JARID2: variants seen among roughly 807,000 people sequenced by gnomAD.
The protein encoded by JARID2 is jumonji and AT-rich interaction domain containing 2.
Under a neutral mutation model 125.6 loss-of-function variants are expected in JARID2, and 21 were observed. That is an observed-to-expected ratio of 0.17 (90% CI 0.12 to 0.24). The LOEUF is 0.24. Among genes scored for constraint, JARID2 ranks in the 10% least tolerant of loss-of-function variants. The pLI is 1.00. For synonymous variants in JARID2, 736 were observed against 661.6 expected, an observed-to-expected ratio of 1.11 and a Z score of -1.73; for missense variants, 1,303 against 1,639.6, an observed-to-expected ratio of 0.79 and a Z score of 3.55.
chr6:15,423,457 G>C (rs924544768), intron 3 of JARID2, among the ~76,000 whole-genome samples: 1 of 152,204 alleles, frequency 6.6e-6, no homozygotes. Flanking sequence ...AGAAGGAAGA[G>C]TTTGGATGGG....
rs1561913681 is a variant in JARID2 at position 15,507,270 on chromosome 6, C to T, written c.2660+16C>T. On this transcript the variant is annotated intron_variant, in intron 10 of 17. Transcript: ENST00000341776. ...CCTTTTCGAGGTAACCTGGGATTCT[C>T]TCGTCCAGGTTCTTGGGGATGTGAC... 1.2e-6 allele frequency: 2 copies of T among 1,600,948 alleles called. No individual in the cohort carries two copies. The highest frequency in any genetic ancestry group is 1.7e-6 in the Non-Finnish European group (2 of 1,167,978).
chr6:15,338,378 G>A (rs974993317), intron 1 of JARID2, among the ~76,000 whole-genome samples: 1 of 152,192 alleles, frequency 6.6e-6, no homozygotes, highest in Admixed American at 6.5e-5. Flanking sequence ...AAAATGCGTC[G>A]TAGCCCTCTG....
At chr6:15,519,563 T>G (rs769455519) in intron 17 of JARID2, among the ~76,000 whole-genome samples, 1 of 152,256 alleles carries the variant, frequency 6.6e-6, no homozygotes, top group Non-Finnish European at 1.5e-5. Context: ...GGATGTACTG[T>G]GTGAAAGTTA....
chr6:15,324,210 A>G (rs1280768220), intron 1 of JARID2, among the ~76,000 whole-genome samples: 1 of 151,810 alleles, frequency 6.6e-6, no homozygotes, highest in African/African-American at 2.4e-5. Context: ...AAAAAAAAAA[A>G]GAAAATCCTT....
At position 15,410,416 on chromosome 6, in the gene JARID2, C is replaced by T. The variant is rs16876327; in HGVS notation, c.323+51C>T. On this transcript the variant is annotated intron_variant, in intron 3 of 17. Transcript: ENST00000341776. ...GGTACCTTCAACCAGGGACTGCAAA[C>T]TCAGGTGCCAGTTTTCACCACATGA... The T allele has an allele frequency of 5.9e-3, 9,289 of 1,575,962 alleles. 441 individuals carry two copies. In the African/African-American group the frequency reaches 0.11, roughly 18 times the overall value.
In JARID2 at chr6:15,513,320, C is replaced by T. The variant is rs1352789972; in HGVS notation, c.3348C>T (p.Ser1116=). The change falls in exon 16 of 18, where the codon AGC becomes AGT. Residue 1116 remains serine, a synonymous_variant. Transcript: ENST00000341776. ...SSARYGSHDG[S]STVADGKKKP... Reference sequence around the variant, plus strand: ...CACGCTATGGCAGCCACGATGGCAGCAGCACGGTGGCGGACGGGAAGAAAA... The same window carrying T: ...CACGCTATGGCAGCCACGATGGCAGTAGCACGGTGGCGGACGGGAAGAAAA... 6.2e-7 allele frequency: 1 copy of T among 1,610,820 alleles called. No individual in the cohort carries two copies. The highest frequency in any genetic ancestry group is 2.2e-5 in the East Asian group (1 of 44,744).
At chr6:15,515,565 C>T (rs1289843849) in intron 16 of JARID2, among the ~76,000 whole-genome samples, 3 of 152,082 alleles carry the variant, frequency 2.0e-5, no homozygotes, top group Non-Finnish European at 4.4e-5. Context: ...GTGGGCAGAT[C>T]ACTCGAGGCC....
At chr6:15,346,384 G>A (rs1184229777) in intron 1 of JARID2, among the ~76,000 whole-genome samples, 4 of 152,152 alleles carry the variant, frequency 2.6e-5, no homozygotes, top group Non-Finnish European at 5.9e-5. Context: ...ATATATAGTG[G>A]AAGTAATTAA....
At position 15,372,516 on chromosome 6, in the gene JARID2, C is replaced by T. The variant is rs570814435; in HGVS notation, c.46-1601C>T. ...CTGGGACTACAGGCGTGCACCACCA[C>T]GCTCAGCTAATTTTTGTAGTTTTTT... is the stretch of plus-strand genomic sequence containing the variant. On this transcript the variant is annotated intron_variant, in intron 1 of 17. Coordinates refer to ENST00000341776, the MANE Select transcript of JARID2 (RefSeq NM_004973.4). 2.3e-3 allele frequency among the ~76,000 whole-genome samples: 355 copies of T among 152,088 alleles called. 1 individual carries two copies. Among genetic ancestry groups the T allele is most frequent in the Middle Eastern group, 6.8e-3 (2 of 294 alleles).
At chr6:15,299,687 C>T (rs576158527) in intron 1 of JARID2, among the ~76,000 whole-genome samples, 13 of 152,106 alleles carry the variant, frequency 8.5e-5, no homozygotes, top group South Asian at 2.1e-4. Flanking sequence ...AGAGTTTGGG[C>T]GCCACACAGA....
chr6:15,470,910 C>T (rs751709362), intron 5 of JARID2, among the ~76,000 whole-genome samples: 12 of 152,136 alleles, frequency 7.9e-5, no homozygotes, highest in Middle Eastern at 3.4e-3. Context: ...GACCTGGGCA[C>T]GAGAAAGAAT....
intron 7 of JARID2, among the ~76,000 whole-genome samples, chr6:15,497,586 GC>G (rs1770518292): frequency 6.7e-6 from 1 of 149,796 alleles, no homozygotes; most frequent in Non-Finnish European, 1.5e-5. Flanking sequence ...AGGAGGCGGA[GC>G]TTGCAGTGAG....
chr6:15,267,954 A>G (rs1456106484), intron 1 of JARID2, among the ~76,000 whole-genome samples: 1 of 152,124 alleles, frequency 6.6e-6, no homozygotes, highest in Non-Finnish European at 1.5e-5. Context: ...TGCAACTCCT[A>G]AGGCTTAACT....
At chr6:15,363,058 C>T (rs1325302978) in intron 1 of JARID2, among the ~76,000 whole-genome samples, 3 of 151,990 alleles carry the variant, frequency 2.0e-5, no homozygotes, top group East Asian at 1.9e-4. Flanking sequence ...GATAAGGGGA[C>T]GGCAGAAGAA....
At chr6:15,487,229 A>G (rs1358579330) in intron 5 of JARID2, 78 bp from the exon 6 acceptor site, 2 of 1,248,314 alleles carry the variant, frequency 1.6e-6, no homozygotes, top group African/African-American at 3.0e-5. Flanking sequence ...GTGGGGACAC[A>G]GAGCCAAACC....
chr6:15,441,665 T>A (rs1241323555), intron 3 of JARID2, among the ~76,000 whole-genome samples: 2 of 152,240 alleles, frequency 1.3e-5, no homozygotes. Context: ...GTCTGTCGTG[T>A]GCTGAATGGA....
chr6:15,315,069 T>C (rs933432584), intron 1 of JARID2: 14 of 152,224 alleles, frequency 9.2e-5, no homozygotes, highest in Admixed American at 2.6e-4. Flanking sequence ...TTTCTAAAAT[T>C]GAAGAATATT....
At chr6:15,360,490 C>G (rs1465628322) in intron 1 of JARID2, among the ~76,000 whole-genome samples, 1 of 151,880 alleles carries the variant, frequency 6.6e-6, no homozygotes, top group Non-Finnish European at 1.5e-5. Flanking sequence ...GCCTATTTAT[C>G]TTATTTTTAT....
intron 2 of JARID2, among the ~76,000 whole-genome samples, chr6:15,403,982 A>AG (rs1765545057): frequency 6.6e-6 from 1 of 152,180 alleles, no homozygotes; most frequent in Non-Finnish European, 1.5e-5. Context: ...CAGTAGACAA[A>AG]GGGGAGCCCT....
Sources: allele counts gnomAD v4.1 joint callset (sites outside exome capture counted in the v4.1 genomes callset), GRCh38; gene constraint gnomAD v4.1.1; transcripts MANE v1.5; gene names NCBI Gene and HGNC (gene_info 2026-07-23, HGNC 2026-07-21).